The following CIAO3 variants were observed in gnomAD, a reference collection of about 807,000 sequenced individuals.
CIAO3 encodes cytosolic iron-sulfur assembly component 3.
In CIAO3, 45 loss-of-function variants were observed where a neutral mutation model predicts 51.5. That is an observed-to-expected ratio of 0.87 (90% CI 0.69 to 1.12). CIAO3 has a LOEUF of 1.12. Among genes scored for constraint, CIAO3 ranks in the 50% most tolerant of loss-of-function variants. CIAO3 has a pLI of 0.00. For synonymous variants in CIAO3, 314 were observed against 269.3 expected, an observed-to-expected ratio of 1.17 and a Z score of -1.63; for missense variants, 668 against 632.5, an observed-to-expected ratio of 1.06 and a Z score of -0.60.
At chr16:731,863 C>T in intron 8 of CIAO3, 161 bp from the exon 9 acceptor site, 2 of 974,230 alleles carry the variant, frequency 2.1e-6, no homozygotes, top group African/African-American at 1.7e-5. Flanking sequence ...CACAGGGGCC[C>T]AGCCACTTCT....
In CIAO3 at chr16:737,123, C is replaced by T. The variant is rs532803702; in HGVS notation, c.306+63G>A. 27 of 1,601,398 alleles carry T rather than the reference C, an allele frequency of 1.7e-5. No individual in the cohort carries two copies. Among genetic ancestry groups the T allele is most frequent in the Middle Eastern group, 1.7e-4 (1 of 5,984 alleles). On this transcript the variant is annotated intron_variant, in intron 3 of 10. Transcript: ENST00000251588. This position sits in a 1 kb window ranked among gnomAD's most constrained non-coding sequence, Gnocchi z 5.3. ...CACACGAGCTGCCCTTGGCAAAACG[C>T]GTTGTCGGCTGCTGGGATGGATTTC... is the stretch of plus-strand genomic sequence containing the variant.
rs1054241476 is a variant in CIAO3, at chr16:734,531, G to A, written c.575-184C>T. The A allele has an allele frequency of 5.2e-6, 5 of 970,002 alleles. No individual in the cohort carries two copies. In the South Asian group the frequency reaches 6.7e-5, roughly 13 times the overall value. The allele number at this position is 970,002 out of a possible 1,614,324, so 60.1% of individuals were successfully genotyped here. ...TCGGCGTGCAGGCGACACCGCCTAG[G>A]GACCTGAGGTGACTGCGCGTGGCTC... On this transcript the variant is annotated intron_variant, in intron 5 of 10. Transcript: ENST00000251588.
rs1434551161 is a variant in CIAO3 at position 736,330 on chromosome 16, A to G, written c.375T>C (p.Ala125=). 3 of 1,613,000 alleles carry G rather than the reference A, an allele frequency of 1.9e-6. No individual in the cohort carries two copies. Among genetic ancestry groups the G allele is most frequent in the Non-Finnish European group, 2.5e-6 (3 of 1,179,830 alleles). Residue 125 remains alanine (A), a synonymous_variant, in exon 4 of 11, where the codon GCT becomes GCC. Transcript: ENST00000251588. ...SVSPQSRASL[A]ARFQLNPTDT... ...CTGTAGGATTCAGCTGAAACCGTGC[A>G]GCCAGCGATGCTCTAGACTGTGGTG...
In CIAO3 at chr16:730,549, C is replaced by G; in HGVS notation, c.1299G>C (p.Glu433Asp). 2 of 1,610,966 alleles carry G rather than the reference C, an allele frequency of 1.2e-6. No individual in the cohort carries two copies. Among genetic ancestry groups the G allele is most frequent in the Non-Finnish European group, 1.7e-6 (2 of 1,179,986 alleles). ...ACAGCTCCTGAACCCCAGGCGCGTC[C>G]TCGGGCGCCTCAGCCCGGACCATGC... ...LYGMVRAEAPEDAPGVQELYT... is the reference protein window; with the variant it reads ...LYGMVRAEAPDDAPGVQELYT... The change falls in exon 11 of 11, where the codon GAG (glutamate) becomes GAC (aspartate). Residue 433 changes from glutamate (E) to aspartate (D), a missense_variant. Coordinates refer to ENST00000251588, the MANE Select transcript of CIAO3 (RefSeq NM_022493.3).
chr16:733,182 C>CCACACACACACACA, intron 7 of CIAO3, 116 bp downstream of exon 7: 1 of 1,375,902 alleles, frequency 7.3e-7, no homozygotes, highest in Middle Eastern at 2.5e-4. Flanking sequence ...ATGCGAGCCC[C>CCACACACACACACA]CACACTCCAG....
At position 737,532 on chromosome 16, in the gene CIAO3, C is replaced by G; in HGVS notation, c.163-203G>C. On this transcript the variant is annotated intron_variant, in intron 2 of 10. Coordinates refer to ENST00000251588, the MANE Select transcript of CIAO3 (RefSeq NM_022493.3). This position sits in a 1 kb window ranked among gnomAD's most constrained non-coding sequence, Gnocchi z 5.3. ...TTTCATAATGCCGTCAAGTCTGCTTCTTGGTACCACTTGGTTAGTGCATCC... is the reference window on the plus strand; with the variant it reads ...TTTCATAATGCCGTCAAGTCTGCTTGTTGGTACCACTTGGTTAGTGCATCC... 6.6e-7 allele frequency: 1 copy of G among 1,512,558 alleles called. No homozygotes were observed. Among genetic ancestry groups the G allele is most frequent in the Non-Finnish European group, 8.8e-7 (1 of 1,132,600 alleles). The allele number at this position is 1,512,558 out of a possible 1,614,324, so 93.7% of individuals were successfully genotyped here.
At chr16:734,392 G>C in intron 5 of CIAO3, 45 bp from the exon 6 acceptor site, 1 of 1,397,990 alleles carries the variant, frequency 7.2e-7, no homozygotes, top group Non-Finnish European at 9.8e-7. Context: ...GCGCACGGCG[G>C]CCCCCGCACC....
intron 7 of CIAO3, 42 bp from the exon 8 acceptor site, chr16:732,415 C>G: frequency 1.2e-6 from 2 of 1,607,032 alleles, no homozygotes; most frequent in Non-Finnish European, 1.7e-6. Context: ...AGCGGAGATC[C>G]CAGCAACAAA....
At position 736,312 on chromosome 16, in the gene CIAO3, A is replaced by C. The variant is rs1274631186; in HGVS notation, c.393T>G (p.Asn131Lys). The C allele has an allele frequency of 6.2e-7, 1 of 1,613,040 alleles. No individual in the cohort carries two copies. The highest frequency in any genetic ancestry group is 1.1e-5 in the South Asian group (1 of 91,070). The stretch of plus-strand genomic sequence containing the variant: ...TTAATTTCCTGGCAGTATCTGTAGG[A>C]TTCAGCTGAAACCGTGCAGCCAGCG... ...RASLAARFQL[N>K]PTDTARKLTS... is the part of the protein sequence containing the mutation. Residue 131 changes from asparagine to lysine, a missense_variant, in exon 4 of 11, where the codon AAT (asparagine) becomes AAG (lysine). By Grantham distance (94) the Asn-to-Lys change is moderately conservative. Coordinates refer to ENST00000251588, the MANE Select transcript of CIAO3 (RefSeq NM_022493.3).
chr16:738,433 C>G, intron 2 of CIAO3: 1 of 656,170 alleles, frequency 1.5e-6, no homozygotes. Context: ...ACTGCAAACT[C>G]CGCCTCCCAG....
At position 737,043 on chromosome 16, in the gene CIAO3, C is replaced by T. The variant is rs912649581; in HGVS notation, c.306+143G>A. 9.6e-7 allele frequency: 1 copy of T among 1,042,886 alleles called. No individual in the cohort carries two copies. The highest frequency in any genetic ancestry group is 1.4e-6 in the Non-Finnish European group (1 of 704,968). The allele number at this position is 1,042,886 out of a possible 1,614,324, so 64.6% of individuals were successfully genotyped here. On this transcript the variant is annotated intron_variant, in intron 3 of 10. Coordinates refer to ENST00000251588, the MANE Select transcript of CIAO3 (RefSeq NM_022493.3). The surrounding 1 kb of genome is among the most constrained non-coding windows in gnomAD (Gnocchi z 5.3). ...ACCACTGGAGCCCACTGACAAATCA[C>T]CAAGATTCCAAGCCTCAAAAAGGCA...
rs1460284626 is a variant in CIAO3, at chr16:737,667, G to A, written c.163-338C>T. The A allele has an allele frequency of 1.5e-6, 2 of 1,327,798 alleles. No individual in the cohort carries two copies. The highest frequency in any genetic ancestry group is 1.2e-5 in the South Asian group (1 of 81,318). 82.3% of individuals were successfully genotyped at this position (1,327,798 alleles called of 1,614,324 possible). A position where few individuals can be genotyped will look rare whatever the true frequency, so the allele number is the denominator to read the frequency against. ...GGCCCCGGTGCACACTCACAGGGCT[G>A]TAGGGCAGGAAAATGCCGAAGGTGG... On this transcript the variant is annotated intron_variant, in intron 2 of 10. Transcript: ENST00000251588. The surrounding 1 kb of genome is among the most constrained non-coding windows in gnomAD (Gnocchi z 5.3).
chr16:739,965 G>A, intron 1 of CIAO3: 1 of 1,465,474 alleles, frequency 6.8e-7, no homozygotes, highest in African/African-American at 1.4e-5. Flanking sequence ...GTGCAGGAAG[G>A]CCAGTGCTAA....
In CIAO3 at chr16:731,665, G is replaced by C; in HGVS notation, c.934C>G (p.Arg312Gly). Residue 312 changes from arginine (R) to glycine (G), a missense_variant, in exon 9 of 11, where the codon CGG (arginine) becomes GGG (glycine). Transcript: ENST00000251588. ...AGGTAGCCCCCCGAGCCCCCTCCCCGATGGCTGGTGGGCTCCTCTGCAGAG... is the reference window on the plus strand; with the variant it reads ...AGGTAGCCCCCCGAGCCCCCTCCCCCATGGCTGGTGGGCTCCTCTGCAGAG... ...GASAEEPTSH[R>G]GGGSGGYLEH... The C allele has an allele frequency of 6.4e-7, 1 of 1,557,800 alleles. No individual in the cohort carries two copies. Among genetic ancestry groups the C allele is most frequent in the Non-Finnish European group, 8.7e-7 (1 of 1,152,016 alleles).
At position 730,844 on chromosome 16, in the gene CIAO3, T is replaced by G. The variant is rs201859432; in HGVS notation, c.1191A>C (p.Ser397=). The change falls in exon 10 of 11, where the codon TCA becomes TCC. Residue 397 remains serine (S), a splice_region_variant and synonymous_variant. Transcript: ENST00000251588. ...TGTCCTGTCCCTTGCAGGAGCTACC[T>G]GAGGGGCAGGCCATGACCTCCACGT... The part of the protein sequence containing the change: ...YHYVEVMACP[S]GCLNGGGQLQ... The G allele has an allele frequency of 6.2e-7, 1 of 1,612,650 alleles. No individual in the cohort carries two copies. The highest frequency in any genetic ancestry group is 8.5e-7 in the Non-Finnish European group (1 of 1,179,938).
rs2041292406 is a variant in CIAO3, at chr16:732,360, C to A, written c.837G>T (p.Arg279Ser). The change falls in exon 8 of 11, where the codon AGG becomes AGT. Residue 279 changes from arginine (R) to serine (S), a missense_variant. Coordinates refer to ENST00000251588, the MANE Select transcript of CIAO3 (RefSeq NM_022493.3). ...DCVLTTGEVF[R>S]LLEEEGVSLP... is the part of the protein sequence containing the mutation. Reference sequence around the variant, plus strand: ...GGGAGACGCCCTCTTCCTCCAGCAACCTGAAAACTTCTCCTGCAAAGAAGC... The same window carrying A: ...GGGAGACGCCCTCTTCCTCCAGCAAACTGAAAACTTCTCCTGCAAAGAAGC... 1 of 1,612,806 alleles carries A rather than the reference C, an allele frequency of 6.2e-7. No homozygotes were observed. Among genetic ancestry groups the A allele is most frequent in the African/African-American group, 1.3e-5 (1 of 74,920 alleles).
At position 733,395 on chromosome 16, in the gene CIAO3, T is replaced by C. The variant is rs2151601346; in HGVS notation, c.726A>G (p.Thr242=). Residue 242 remains threonine (T), a synonymous_variant, in exon 7 of 11, where the codon ACA becomes ACG. Coordinates refer to ENST00000251588, the MANE Select transcript of CIAO3 (RefSeq NM_022493.3). ...GCTTTTTGTCATAGCAGGGCATCACTGTGACGTGGTAGATCTTGTCAGGGG... is the reference window on the plus strand; with the variant it reads ...GCTTTTTGTCATAGCAGGGCATCACCGTGACGTGGTAGATCTTGTCAGGGG... ...HLTPDKIYHV[T]VMPCYDKKLE... 6.2e-7 allele frequency: 1 copy of C among 1,613,882 alleles called. No individual in the cohort carries two copies. Among genetic ancestry groups the C allele is most frequent in the South Asian group, 1.1e-5 (1 of 91,090 alleles).
At chr16:736,187 C>G (rs2041335210) in intron 4 of CIAO3, 79 bp downstream of exon 4, 1 of 1,572,280 alleles carries the variant, frequency 6.4e-7, no homozygotes, top group Non-Finnish European at 8.7e-7. Context: ...GTCAGTGACT[C>G]AGAGGCGCGA....
intron 5 of CIAO3, 140 bp from the exon 6 acceptor site, chr16:734,487 C>T: frequency 2.4e-6 from 2 of 841,436 alleles, no homozygotes; most frequent in Non-Finnish European, 3.8e-6. Flanking sequence ...TTCCTGTTCT[C>T]CCCACCACCA....
Sources: gnomAD v4.1 joint callset for allele counts on GRCh38, gnomAD v4.1.1 for gene constraint, Gnocchi (gnomAD v3.1) non-coding constraint, MANE v1.5 for transcripts, NCBI Gene and HGNC (gene_info 2026-07-23, HGNC 2026-07-21) for gene names.